Variants in PODXL2 observed in about 807,000 individuals in gnomAD.
PODXL2 encodes the protein podocalyxin like 2, also known as podocalyxin-like protein 2.
Under a neutral mutation model 53.4 loss-of-function variants are expected in PODXL2, and 17 were observed. The observed-to-expected ratio is 0.32, with a 90% CI of 0.22 to 0.48. The LOEUF is 0.48. PODXL2 is among the 20% of genes least tolerant of loss of function. The pLI is 0.99. For missense variants in PODXL2, 673 were observed against 760.0 expected (o/e 0.89, Z 1.35); for synonymous variants, 311 against 306.7 (o/e 1.01, Z -0.15).
chr3:127,671,761 G>A, intron 7 of PODXL2, 148 bp downstream of exon 7: 1 of 739,942 alleles, frequency 1.4e-6, no homozygotes, highest in Non-Finnish European at 2.2e-6. Context: ...ACTGCTGACT[G>A]CTCTGCAGGG....
chr3:127,641,220 A>G lies in PODXL2; in HGVS notation c.349+1697A>G, dbSNP rs536796772. ...AGCCACCGCACCCGGACAACATGTT[A>G]TTATTTATTTATTTATGTTTAGAGT... On this transcript the variant is annotated intron_variant, in intron 2 of 7. Transcript: ENST00000342480. Among the ~76,000 whole-genome samples, 6 of 151,330 alleles carry G rather than the reference A, an allele frequency of 4.0e-5. No individual in the cohort carries two copies. In the South Asian group the frequency reaches 8.4e-4, roughly 21 times the overall value.
chr3:127,639,728 A>C (rs1290476266), intron 2 of PODXL2, among the ~76,000 whole-genome samples: 1 of 152,226 alleles, frequency 6.6e-6, no homozygotes, highest in Non-Finnish European at 1.5e-5. Flanking sequence ...CTTTAATACT[A>C]ACCACTGTTT....
At chr3:127,637,723 C>G (rs998699165) in intron 1 of PODXL2, among the ~76,000 whole-genome samples, 10 of 152,224 alleles carry the variant, frequency 6.6e-5, no homozygotes, top group Admixed American at 5.2e-4. Context: ...TCCCATCCCC[C>G]ATCCACACAA....
At chr3:127,656,284 A>T (rs2074722581) in intron 2 of PODXL2, among the ~76,000 whole-genome samples, 1 of 152,216 alleles carries the variant, frequency 6.6e-6, no homozygotes, top group Non-Finnish European at 1.5e-5. Flanking sequence ...CATCATCCTC[A>T]TTCCACATAA....
intron 4 of PODXL2, among the ~76,000 whole-genome samples, chr3:127,662,878 C>G (rs961878748): frequency 1.3e-5 from 2 of 152,218 alleles, no homozygotes; most frequent in African/African-American, 4.8e-5. Context: ...AAGGGAACTT[C>G]TGTTCTGTTC....
In PODXL2 at chr3:127,672,696, T is replaced by C. The variant is rs887055573; in HGVS notation, c.*216T>C. The C allele has an allele frequency of 2.3e-5, 10 of 443,180 alleles. No homozygotes were observed. The highest frequency in any genetic ancestry group is 5.4e-5 in the South Asian group (1 of 18,616). 27.5% of individuals were successfully genotyped at this position (443,180 alleles called of 1,614,324 possible). A position where few individuals can be genotyped will look rare whatever the true frequency, so the allele number is the denominator to read the frequency against. On this transcript the variant is annotated 3_prime_UTR_variant, in exon 8 of 8. Transcript: ENST00000342480. ...GAGGGGCAGGCCTCAAAGCCCGCCT[T>C]GGCCCCGCTTTCCCGCCCCTGAACC...
chr3:127,653,815 G>A (rs1346907787), intron 2 of PODXL2, among the ~76,000 whole-genome samples: 1 of 152,224 alleles, frequency 6.6e-6, no homozygotes, highest in East Asian at 1.9e-4. Context: ...TGCTGTATCA[G>A]TGTGTATGTG....
intron 2 of PODXL2, 123 bp from the exon 3 acceptor site, chr3:127,660,255 C>A: frequency 1.6e-6 from 2 of 1,273,372 alleles, no homozygotes; most frequent in Non-Finnish European, 2.2e-6. Context: ...GCCTCTCCAT[C>A]ATGACCTGAT....
intron 6 of PODXL2, among the ~76,000 whole-genome samples, chr3:127,669,920 A>G (rs1326823997): frequency 6.6e-6 from 1 of 152,162 alleles, no homozygotes; most frequent in Non-Finnish European, 1.5e-5. Flanking sequence ...GACAGCCACC[A>G]TCTCCACCAA....
Position 127,643,648 on chromosome 3 carries a change from TA to T in PODXL2, c.349+4126del, listed in dbSNP as rs796915089. ...TAAATTCTTTTTTTAAAATTATTTT[TA>T]TTTTTTGGACACAGGGTCTCGCTTT... On this transcript the variant is annotated intron_variant, in intron 2 of 7. Coordinates refer to ENST00000342480, the MANE Select transcript of PODXL2 (RefSeq NM_015720.4). Among the ~76,000 whole-genome samples, 35 of 152,266 alleles carry T rather than the reference TA, an allele frequency of 2.3e-4. No individual in the cohort carries two copies. The South Asian group carries it at 7.3e-3, about 32-fold the overall frequency.
rs2074765425 is a variant in PODXL2, at chr3:127,661,160, G to A, written c.1131+1G>A. 6.2e-7 allele frequency: 1 copy of A among 1,611,366 alleles called. No individual in the cohort carries two copies. The highest frequency in any genetic ancestry group is 8.5e-7 in the Non-Finnish European group (1 of 1,177,970). ...CAGGATACCCTGGGATTCTACGCAG[G>A]TAAAGTGAGGGGCATGCGGGCCACC... On this transcript the variant is annotated splice_donor_variant, in intron 3 of 7. Coordinates refer to ENST00000342480, the MANE Select transcript of PODXL2 (RefSeq NM_015720.4). LOFTEE classifies it high-confidence loss of function.
At chr3:127,641,916 C>A (rs777286101) in intron 2 of PODXL2, among the ~76,000 whole-genome samples, 60 of 152,124 alleles carry the variant, frequency 3.9e-4, no homozygotes, top group Non-Finnish European at 6.6e-4. Context: ...AGTTTTAATT[C>A]TGCTACAAAT....
intron 1 of PODXL2, among the ~76,000 whole-genome samples, chr3:127,632,868 G>A (rs537917686): frequency 1.3e-5 from 2 of 152,298 alleles, no homozygotes; most frequent in East Asian, 3.9e-4. Context: ...CTTTGTAATC[G>A]AGAGTCTAAT....
intron 4 of PODXL2, among the ~76,000 whole-genome samples, chr3:127,663,879 A>G (rs1052139074): frequency 6.6e-6 from 1 of 152,180 alleles, no homozygotes; most frequent in Non-Finnish European, 1.5e-5. Context: ...TTGCCAATCA[A>G]TACATAGATA....
In PODXL2 at chr3:127,672,616, C is replaced by T. The variant is rs2074860796; in HGVS notation, c.*136C>T. ...GCCTGGCCCTCGGCGCGGGCTCCTT[C>T]CCGCTTCCCCCGACTTCACACGGCG... On this transcript the variant is annotated 3_prime_UTR_variant, in exon 8 of 8. Transcript: ENST00000342480. 2 of 540,298 alleles carry T rather than the reference C, an allele frequency of 3.7e-6. No individual in the cohort carries two copies. The highest frequency in any genetic ancestry group is 4.0e-5 in the African/African-American group (2 of 49,760). The allele number at this position is 540,298 out of a possible 1,614,324, so 33.5% of individuals were successfully genotyped here.
In PODXL2 at chr3:127,672,627, C is replaced by T. The variant is rs989747960; in HGVS notation, c.*147C>T. On this transcript the variant is annotated 3_prime_UTR_variant, in exon 8 of 8. Transcript: ENST00000342480. ...GGCGCGGGCTCCTTCCCGCTTCCCCCGACTTCACACGGCGGCTTCGGACCA... is the reference window on the plus strand; with the variant it reads ...GGCGCGGGCTCCTTCCCGCTTCCCCTGACTTCACACGGCGGCTTCGGACCA... The T allele has an allele frequency of 1.7e-5, 9 of 522,106 alleles. No homozygotes were observed. The Admixed American group carries it at 3.0e-4, about 17-fold the overall frequency. 32.3% of individuals were successfully genotyped at this position (522,106 alleles called of 1,614,324 possible).
At chr3:127,648,608 T>C (rs1576429743) in intron 2 of PODXL2, among the ~76,000 whole-genome samples, 2 of 151,822 alleles carry the variant, frequency 1.3e-5, no homozygotes, top group African/African-American at 4.8e-5. Context: ...CGTTTTGGAC[T>C]ATCTCTTTCT....
At chr3:127,664,600 AC>A (rs2074784763) in intron 4 of PODXL2, among the ~76,000 whole-genome samples, 2 of 152,264 alleles carry the variant, frequency 1.3e-5, no homozygotes, top group South Asian at 4.1e-4. Context: ...CTATGAGTAT[AC>A]CATTTTACAT....
intron 2 of PODXL2, among the ~76,000 whole-genome samples, chr3:127,651,885 C>T (rs1490033045): frequency 2.6e-5 from 4 of 152,212 alleles, no homozygotes; most frequent in Non-Finnish European, 4.4e-5. Flanking sequence ...GGCAAGTGGC[C>T]ACCCAGAATT....
Sources: allele counts gnomAD v4.1 joint callset (sites outside exome capture counted in the v4.1 genomes callset), GRCh38; gene constraint gnomAD v4.1.1; transcripts MANE v1.5; gene names NCBI Gene and HGNC (gene_info 2026-07-23, HGNC 2026-07-21).